The following GALNT2 variants were observed in gnomAD, a reference collection of about 807,000 sequenced individuals.
The protein encoded by GALNT2 is UDP-GalNAc:polypeptide N-acetylgalactosaminyltransferase 2.
A neutral mutation model predicts 81.4 loss-of-function variants in GALNT2; 31 were observed. That is an observed-to-expected ratio of 0.38 (90% confidence interval 0.29 to 0.51). The LOEUF (loss-of-function observed/expected upper bound fraction) is 0.51. GALNT2 is among the 20% of genes least tolerant of loss of function. The pLI is 0.87. For missense variants in GALNT2, 629 were observed against 765.7 expected, an observed-to-expected ratio of 0.82 and a Z score of 2.11; for synonymous variants, 303 against 287.4, an observed-to-expected ratio of 1.05 and a Z score of -0.55.
At chr1:230,198,713 G>C (rs1385649080) in intron 2 of GALNT2, among the ~76,000 whole-genome samples, 1 of 152,192 alleles carries the variant, frequency 6.6e-6, no homozygotes, top group Non-Finnish European at 1.5e-5. Flanking sequence ...TCAGCTGTAA[G>C]CTTCTCATTT....
At chr1:230,130,216 G>T (rs1661325286) in intron 1 of GALNT2, among the ~76,000 whole-genome samples, 1 of 152,182 alleles carries the variant, frequency 6.6e-6, no homozygotes, top group East Asian at 1.9e-4. Context: ...TCTTTCTTCT[G>T]TAAGCTAAAC....
chr1:230,212,255 G>T (rs1379272236), intron 3 of GALNT2, among the ~76,000 whole-genome samples: 1 of 152,118 alleles, frequency 6.6e-6, no homozygotes, highest in Admixed American at 6.5e-5. Flanking sequence ...CTCTTCAGAG[G>T]GTCTTTCATA....
chr1:230,273,386 G>A (rs1421383330), intron 14 of GALNT2, among the ~76,000 whole-genome samples: 7 of 152,224 alleles, frequency 4.6e-5, no homozygotes, highest in African/African-American at 1.2e-4. Context: ...CGGAGGGGAG[G>A]GCCACTGCAG....
intron 1 of GALNT2, among the ~76,000 whole-genome samples, chr1:230,166,900 G>C (rs1391968174): frequency 1.3e-5 from 2 of 152,136 alleles, no homozygotes; most frequent in Non-Finnish European, 2.9e-5. Flanking sequence ...TAGGCCTGGG[G>C]TGGATGTTGA....
chr1:230,191,868 C>T (rs1436505186), intron 2 of GALNT2, among the ~76,000 whole-genome samples: 1 of 152,224 alleles, frequency 6.6e-6, no homozygotes, highest in Non-Finnish European at 1.5e-5. Context: ...TCTCGCTGTC[C>T]AGTGAAACAG....
At chr1:230,135,364 T>G (rs61825400) in intron 1 of GALNT2, among the ~76,000 whole-genome samples, 20,967 of 152,166 alleles carry the variant, frequency 0.14, 1,470 homozygotes, top group South Asian at 0.23. Context: ...AATTCTACTT[T>G]GCGATGCATG....
At chr1:230,077,402 C>T (rs1659597180) in intron 1 of GALNT2, among the ~76,000 whole-genome samples, 1 of 152,152 alleles carries the variant, frequency 6.6e-6, no homozygotes, top group South Asian at 2.1e-4. Context: ...TTCATCAATT[C>T]CGAGAGGCCA....
In GALNT2 at chr1:230,279,380, G is replaced by T; in HGVS notation, c.1638G>T (p.Lys546Asn). ...TGTGCCTGGACAGTCGCACGGCCAA[G>T]AGCGGGGGCCTAAGCGTGGAGGTGT... is the stretch of plus-strand genomic sequence containing the variant. ...SNLCLDSRTAKSGGLSVEVCG... is the reference protein window; with the variant it reads ...SNLCLDSRTANSGGLSVEVCG... The change falls in exon 16 of 16, where the codon AAG (lysine) becomes AAT (asparagine). Residue 546 changes from lysine to asparagine, a missense_variant. Lys to Asn is a moderately conservative substitution (Grantham distance 94). Transcript: ENST00000366672. This position sits in a 1 kb window ranked among gnomAD's most constrained non-coding sequence, Gnocchi z 4.6. 1 of 1,614,206 alleles carries T rather than the reference G, an allele frequency of 6.2e-7. No homozygotes were observed. Among genetic ancestry groups the T allele is most frequent in the South Asian group, 1.1e-5 (1 of 91,086 alleles).
At chr1:230,238,883 A>G (rs2102738038) in intron 6 of GALNT2, among the ~76,000 whole-genome samples, 1 of 152,230 alleles carries the variant, frequency 6.6e-6, no homozygotes, top group South Asian at 2.1e-4. Context: ...GTGCCCTTCT[A>G]TTTTATTTTC....
rs376811448 is a variant in GALNT2 at position 230,218,289 on chromosome 1, A to G, written c.374+14999A>G. On this transcript the variant is annotated intron_variant, in intron 3 of 15. Transcript: ENST00000366672. ...AGTTTCTTAACCAAGCAACTTGAAGAATGGACTTGTCCTTTGCTGAGCAGG... is the reference window on the plus strand; with the variant it reads ...AGTTTCTTAACCAAGCAACTTGAAGGATGGACTTGTCCTTTGCTGAGCAGG... Among the ~76,000 whole-genome samples the G allele has an allele frequency of 2.8e-4, 42 of 152,296 alleles. No individual in the cohort carries two copies. In the South Asian group the frequency reaches 8.1e-3, roughly 29 times the overall value.
intron 3 of GALNT2, among the ~76,000 whole-genome samples, chr1:230,214,340 G>A (rs1424274339): frequency 6.6e-6 from 1 of 152,144 alleles, no homozygotes; most frequent in Non-Finnish European, 1.5e-5. Flanking sequence ...TTGAACTCCT[G>A]ACCTCAAGCC....
intron 1 of GALNT2, among the ~76,000 whole-genome samples, chr1:230,114,716 T>G (rs768743937): frequency 1.3e-5 from 2 of 152,220 alleles, no homozygotes; most frequent in Non-Finnish European, 2.9e-5. Flanking sequence ...GAACGCTGAA[T>G]TGAGCTCTTG....
intron 1 of GALNT2, among the ~76,000 whole-genome samples, chr1:230,088,385 C>T (rs1316782880): frequency 6.6e-6 from 1 of 151,676 alleles, no homozygotes; most frequent in East Asian, 1.9e-4. Flanking sequence ...AGCATGATGT[C>T]TTCAAGATTC....
chr1:230,272,571 C>T (rs1352578727), intron 14 of GALNT2, among the ~76,000 whole-genome samples: 2 of 152,042 alleles, frequency 1.3e-5, no homozygotes, highest in African/African-American at 2.4e-5. Context: ...GCAGGCTTGC[C>T]CAAGCCTCCC....
At chr1:230,112,932 C>T (rs1660747000) in intron 1 of GALNT2, among the ~76,000 whole-genome samples, 1 of 152,210 alleles carries the variant, frequency 6.6e-6, no homozygotes, top group Admixed American at 6.5e-5. Context: ...GGGACAGCCT[C>T]ATTCTGTCCT....
Position 230,279,174 on chromosome 1 carries a change from A to G in GALNT2, c.1561-129A>G. ...TGCTGCAAGCTCCTCGGCCGTTCAG[A>G]TGAGAGGCTGGGAAAAACGTGTCTA... On this transcript the variant is annotated intron_variant, in intron 15 of 15. Transcript: ENST00000366672. The surrounding 1 kb of genome is among the most constrained non-coding windows in gnomAD (Gnocchi z 4.6). 9.9e-7 allele frequency: 1 copy of G among 1,014,676 alleles called. No homozygotes were observed. The highest frequency in any genetic ancestry group is 2.8e-5 in the East Asian group (1 of 35,822). 62.9% of individuals were successfully genotyped at this position (1,014,676 alleles called of 1,614,324 possible).
rs760189019 is a variant in GALNT2 at position 230,203,240 on chromosome 1, G to A, written c.324G>A (p.Glu108=). 1.2e-6 allele frequency: 2 copies of A among 1,614,226 alleles called. No individual in the cohort carries two copies. Among genetic ancestry groups the A allele is most frequent in the Non-Finnish European group, 1.7e-6 (2 of 1,180,046 alleles). ...CCCGCAACAAGTTCAACCAGGTGGA[G>A]AGTGATAAGCTTCGAATGGACAGAG... ...PYARNKFNQV[E]SDKLRMDRAI... is the part of the protein sequence containing the mutation. Residue 108 remains glutamate (E), a synonymous_variant, in exon 3 of 16, where the codon GAG becomes GAA. Transcript: ENST00000366672.
intron 3 of GALNT2, among the ~76,000 whole-genome samples, chr1:230,233,816 G>A (rs533015154): frequency 4.5e-4 from 68 of 152,298 alleles, no homozygotes; most frequent in African/African-American, 1.6e-3. Context: ...TCAAAGAAGG[G>A]CCAGATGGTT....
At chr1:230,235,635 C>T (rs377235082) in intron 3 of GALNT2, among the ~76,000 whole-genome samples, 71 of 152,274 alleles carry the variant, frequency 4.7e-4, no homozygotes, top group African/African-American at 1.6e-3. Flanking sequence ...AGAGCAGTGG[C>T]GCACAGTTGG....
Sources: allele counts gnomAD v4.1 joint callset (sites outside exome capture counted in the v4.1 genomes callset), GRCh38; gene constraint gnomAD v4.1.1; non-coding constraint Gnocchi (gnomAD v3.1); transcripts MANE v1.5; gene names NCBI Gene and HGNC (gene_info 2026-07-23, HGNC 2026-07-21).